DOK5: variants seen among roughly 807,000 people sequenced by gnomAD.
DOK5 encodes the protein downstream of tyrosine kinase 5.
In DOK5, 27 loss-of-function variants were observed where a neutral mutation model predicts 43.3. The observed-to-expected ratio is 0.62, with a 90% confidence interval of 0.46 to 0.86. The LOEUF is 0.86. DOK5 is among the 40% of genes least tolerant of loss of function. The probability of loss-of-function intolerance (pLI) is 0.00; values close to 1 mark genes in which losing one functional copy is unlikely to be tolerated. For missense variants in DOK5, 373 were observed against 392.9 expected, an observed-to-expected ratio of 0.95 and a Z score of 0.43; for synonymous variants, 146 against 140.1, an observed-to-expected ratio of 1.04 and a Z score of -0.30.
At chr20:54,491,494 G>C (rs1468628769) in intron 1 of DOK5, among the ~76,000 whole-genome samples, 4 of 152,178 alleles carry the variant, frequency 2.6e-5, no homozygotes, top group African/African-American at 9.7e-5. Flanking sequence ...AGGCCAAACT[G>C]GTAGAAGAGA....
At chr20:54,496,765 C>CAAAAAAAAA (rs74179280) in intron 1 of DOK5, among the ~76,000 whole-genome samples, 237 of 57,428 alleles carry the variant, frequency 4.1e-3, no homozygotes, top group Non-Finnish European at 6.4e-3. Flanking sequence ...GACTCCGTCT[C>CAAAAAAAAA]AAAAAAAAAA....
chr20:54,626,251 G>A (rs1215432350), intron 6 of DOK5, among the ~76,000 whole-genome samples: 18 of 152,206 alleles, frequency 1.2e-4, no homozygotes, highest in Admixed American at 1.2e-3. Context: ...TTCATCGAAA[G>A]GGGTGAGGGA....
intron 1 of DOK5, among the ~76,000 whole-genome samples, chr20:54,502,126 T>A (rs1181042041): frequency 6.6e-6 from 1 of 152,222 alleles, no homozygotes; most frequent in Non-Finnish European, 1.5e-5. Context: ...ATTTGTGGTA[T>A]GTATATGGCC....
At chr20:54,594,807 T>C (rs1389378566) in intron 5 of DOK5, among the ~76,000 whole-genome samples, 2 of 152,230 alleles carry the variant, frequency 1.3e-5, no homozygotes, top group African/African-American at 4.8e-5. Flanking sequence ...TGAAAACATG[T>C]TATCTTATTA....
intron 2 of DOK5, among the ~76,000 whole-genome samples, chr20:54,574,242 C>A (rs1985385363): frequency 6.6e-6 from 1 of 152,082 alleles, no homozygotes; most frequent in Non-Finnish European, 1.5e-5. Context: ...TATCCCTTCT[C>A]AATAGGACTA....
Position 54,476,009 on chromosome 20 carries a change from C to A in DOK5, c.63C>A (p.Leu21=), listed in dbSNP as rs1181775684. 1 of 1,613,196 alleles carries A rather than the reference C, an allele frequency of 6.2e-7. No homozygotes were observed. Among genetic ancestry groups the A allele is most frequent in the African/African-American group, 1.3e-5 (1 of 74,924 alleles). ...ACGTGAGGATCCGGAGCAGACGCCT[C>A]GGGGTGAGTATCGATCCTCTCCGTG... is the stretch of plus-strand genomic sequence containing the variant. ...QGYVRIRSRR[L]GIYQRCWLVF... is the part of the protein sequence containing the mutation. The change falls in exon 1 of 8, where the codon CTC becomes CTA. Residue 21 remains leucine (L), a synonymous_variant. Coordinates refer to ENST00000262593, the MANE Select transcript of DOK5 (RefSeq NM_018431.5).
chr20:54,644,718 A>AC (rs1555839807), intron 7 of DOK5, among the ~76,000 whole-genome samples: 24 of 142,566 alleles, frequency 1.7e-4, no homozygotes, highest in South Asian at 6.4e-4. Flanking sequence ...AAAAAAAAAA[A>AC]AAAAAACAAA....
At position 54,555,007 on chromosome 20, in the gene DOK5, T is replaced by C. The variant is rs779540797; in HGVS notation, c.141T>C (p.Asp47=). The change falls in exon 2 of 8, where the codon GAT becomes GAC. Residue 47 remains aspartate (D), a synonymous_variant. Transcript: ENST00000262593. ...CAAAAAGACTGGAGAAATTTTCTGA[T>C]GAACGTGCTGCATATTTCAGGTGTT... The part of the protein sequence containing the change: ...KGPKRLEKFS[D]ERAAYFRCYH... The C allele has an allele frequency of 6.2e-7, 1 of 1,613,748 alleles. No homozygotes were observed. The highest frequency in any genetic ancestry group is 8.5e-7 in the Non-Finnish European group (1 of 1,179,666).
At position 54,581,307 on chromosome 20, in the gene DOK5, C is replaced by T. The variant is rs183040191; in HGVS notation, c.175-7176C>T. The stretch of plus-strand genomic sequence containing the variant: ...GTAGTATATTTTGAAGCAACTCTGG[C>T]TTTGTTCTTTTATGTTGATTGTTTT... On this transcript the variant is annotated intron_variant, in intron 2 of 7. Transcript: ENST00000262593. Among the ~76,000 whole-genome samples, 380 of 150,090 alleles carry T rather than the reference C, an allele frequency of 2.5e-3. 1 individual carries two copies. Among genetic ancestry groups the T allele is most frequent in the African/African-American group, 8.5e-3 (350 of 40,964 alleles).
intron 6 of DOK5, among the ~76,000 whole-genome samples, chr20:54,638,229 G>C (rs1474355676): frequency 6.6e-6 from 1 of 152,116 alleles, no homozygotes; most frequent in Non-Finnish European, 1.5e-5. Flanking sequence ...TGAGATATCT[G>C]GTAGAAGCAC....
At chr20:54,480,244 G>T (rs1428060315) in intron 1 of DOK5, among the ~76,000 whole-genome samples, 1 of 152,102 alleles carries the variant, frequency 6.6e-6, no homozygotes, top group African/African-American at 2.4e-5. Context: ...GACAGTTAAG[G>T]CATTCTAAGT....
intron 1 of DOK5, among the ~76,000 whole-genome samples, chr20:54,515,243 C>T (rs997483380): frequency 7.2e-5 from 11 of 152,112 alleles, no homozygotes; most frequent in African/African-American, 2.7e-4. Context: ...GAATTCCTGA[C>T]CTCAGGCCAT....
At chr20:54,628,723 G>A (rs1235885226) in intron 6 of DOK5, among the ~76,000 whole-genome samples, 4 of 152,016 alleles carry the variant, frequency 2.6e-5, no homozygotes, top group Admixed American at 6.6e-5. Flanking sequence ...AGCAGAACGA[G>A]CCCCCCAAAA....
intron 1 of DOK5, among the ~76,000 whole-genome samples, chr20:54,527,870 T>G (rs1418530971): frequency 6.6e-6 from 1 of 152,172 alleles, no homozygotes; most frequent in East Asian, 1.9e-4. Flanking sequence ...GAGAACACTG[T>G]GGAACATAAT....
chr20:54,650,457 C>T lies in DOK5; in HGVS notation c.899C>T (p.Pro300Leu). The change falls in exon 8 of 8, where the codon CCA (proline) becomes CTA (leucine). Residue 300 changes from proline to leucine, a missense_variant. Transcript: ENST00000262593. ...AAGCTTCATCGAACAGAGACTTTTC[C>T]AGCCTACAGATCTGAGCACTGACAG... Reference protein sequence around the residue: ...PLKLHRTETFPAYRSEH With the variant: ...PLKLHRTETFLAYRSEH 1 of 1,613,944 alleles carries T rather than the reference C, an allele frequency of 6.2e-7. No homozygotes were observed. The highest frequency in any genetic ancestry group is 8.5e-7 in the Non-Finnish European group (1 of 1,179,992).
rs561232936 is a variant in DOK5, at chr20:54,555,231, G to A, written c.174+191G>A. 33 of 547,036 alleles carry A rather than the reference G, an allele frequency of 6.0e-5. No individual in the cohort carries two copies. In the South Asian group the frequency reaches 6.9e-4, roughly 12 times the overall value. The allele number at this position is 547,036 out of a possible 1,614,324, so 33.9% of individuals were successfully genotyped here. Reference sequence around the variant, plus strand: ...TGACTAATGTAAAGTCACTTTTCTGGTTTCCTGCTATTTGCTGTAGCTGTT... The same window carrying A: ...TGACTAATGTAAAGTCACTTTTCTGATTTCCTGCTATTTGCTGTAGCTGTT... On this transcript the variant is annotated intron_variant, in intron 2 of 7. Transcript: ENST00000262593.
chr20:54,541,243 C>T (rs893738615), intron 1 of DOK5, among the ~76,000 whole-genome samples: 1 of 152,116 alleles, frequency 6.6e-6, no homozygotes, highest in African/African-American at 2.4e-5. Flanking sequence ...ACTTCTCCTC[C>T]ACTTTCATCG....
intron 1 of DOK5, among the ~76,000 whole-genome samples, chr20:54,520,194 T>A (rs1185803531): frequency 6.6e-6 from 1 of 152,166 alleles, no homozygotes; most frequent in Non-Finnish European, 1.5e-5. Flanking sequence ...ACATCTCCAA[T>A]CTTCCACTTG....
At chr20:54,534,246 G>C (rs1411688173) in intron 1 of DOK5, among the ~76,000 whole-genome samples, 8 of 152,194 alleles carry the variant, frequency 5.3e-5, no homozygotes, top group Non-Finnish European at 1.2e-4. Context: ...GAGTGCAGTG[G>C]TGCAATCATG....
Sources: allele counts gnomAD v4.1 joint callset (sites outside exome capture counted in the v4.1 genomes callset), GRCh38; gene constraint gnomAD v4.1.1; transcripts MANE v1.5; gene names NCBI Gene and HGNC (gene_info 2026-07-23, HGNC 2026-07-21).